Variants in ZNF365 observed in about 807,000 individuals in gnomAD.
ZNF365 encodes protein ZNF365.
A neutral mutation model predicts 35.0 loss-of-function variants in ZNF365; 22 were observed. That is an observed-to-expected ratio of 0.63 (90% CI 0.45 to 0.90). The LOEUF is 0.90. Among genes scored for constraint, ZNF365 ranks in the 40% least tolerant of loss-of-function variants. The pLI is 0.00. For missense variants in ZNF365, 448 were observed against 500.3 expected (o/e 0.90, Z 1.00); for synonymous variants, 188 against 196.2 (o/e 0.96, Z 0.35).
intron 3 of ZNF365, among the ~76,000 whole-genome samples, chr10:62,389,191 A>G (rs549681125): frequency 7.0e-6 from 1 of 142,010 alleles, no homozygotes; most frequent in East Asian, 2.3e-4. Flanking sequence ...ATAAAGATCC[A>G]GGTTCTCATA....
At chr10:62,447,109 A>G (rs2132469669) in intron 3 of ZNF365, among the ~76,000 whole-genome samples, 1 of 152,320 alleles carries the variant, frequency 6.6e-6, no homozygotes, top group African/African-American at 2.4e-5. Flanking sequence ...AAAAGCCAAT[A>G]TCCAAAAGTT....
Position 62,400,602 on chromosome 10 carries a change from G to T in ZNF365, c.*813G>T. 1 of 985,976 alleles carries T rather than the reference G, an allele frequency of 1.0e-6. No homozygotes were observed. Among genetic ancestry groups the T allele is most frequent in the Non-Finnish European group, 1.2e-6 (1 of 829,968 alleles). The allele number at this position is 985,976 out of a possible 1,614,324, so 61.1% of individuals were successfully genotyped here. On this transcript the variant is annotated 3_prime_UTR_variant, in exon 5 of 5. Coordinates refer to ENST00000395254, the MANE Select transcript of ZNF365 (RefSeq NM_014951.3). ...GATTAGCACCCAGCATGGGCTGGGT[G>T]GCTAGGTGGTTGGAATGACAGTGGA...
At chr10:62,478,714 C>T (rs1339616682) in intron 4 of ZNF365, among the ~76,000 whole-genome samples, 1 of 152,172 alleles carries the variant, frequency 6.6e-6, no homozygotes, top group Non-Finnish European at 1.5e-5. Flanking sequence ...GCTGGGACTA[C>T]AGACACCTGC....
intron 1 of ZNF365, chr10:62,375,597 G>A (rs925023381): frequency 9.1e-5 from 14 of 154,202 alleles, no homozygotes; most frequent in Non-Finnish European, 1.2e-4. Context: ...TGTACTTGAG[G>A]ATAGGTCCTG....
At position 62,416,437 on chromosome 10, in the gene ZNF365, A is replaced by G. The variant is rs566290277; in HGVS notation, c.924+27861A>G. On this transcript the variant is annotated intron_variant, in intron 3 of 4. Transcript: ENST00000395255. ...ATGTGAAATGTTCCCATGTTTTCCT[A>G]ATACTGAATCTCAAAACCAAATGTC... 5.9e-5 allele frequency among the ~76,000 whole-genome samples: 9 copies of G among 152,234 alleles called. No individual in the cohort carries two copies. The South Asian group carries it at 1.9e-3, about 32-fold the overall frequency.
intron 3 of ZNF365, among the ~76,000 whole-genome samples, chr10:62,453,132 T>C (rs566910172): frequency 3.0e-4 from 45 of 152,362 alleles, no homozygotes; most frequent in African/African-American, 1.1e-3. Context: ...TGTACATCTT[T>C]AAAAAATTTT....
chr10:62,430,228 A>G (rs1489064716), intron 3 of ZNF365, among the ~76,000 whole-genome samples: 1 of 150,622 alleles, frequency 6.6e-6, no homozygotes, highest in African/African-American at 2.4e-5. Flanking sequence ...CTAATTTTAT[A>G]GACCTAAAAT....
At chr10:62,421,012 A>T (rs1327208149) in intron 3 of ZNF365, among the ~76,000 whole-genome samples, 3 of 150,788 alleles carry the variant, frequency 2.0e-5, no homozygotes, top group Admixed American at 2.0e-4. Context: ...CTGATAAACC[A>T]TTTTGTACCA....
chr10:62,470,758 T>C (rs1057423536), intron 4 of ZNF365, among the ~76,000 whole-genome samples: 1 of 152,218 alleles, frequency 6.6e-6, no homozygotes, highest in Admixed American at 6.5e-5. Flanking sequence ...TATAAATATA[T>C]ACTTATTAGT....
intron 3 of ZNF365, among the ~76,000 whole-genome samples, chr10:62,419,656 T>C (rs1840135428): frequency 6.6e-6 from 1 of 152,184 alleles, no homozygotes; most frequent in Non-Finnish European, 1.5e-5. Context: ...AATTTATAGC[T>C]ATTTGCAGCA....
chr10:62,454,523 A>G (rs2138556), intron 3 of ZNF365, among the ~76,000 whole-genome samples: 63,141 of 152,080 alleles, frequency 0.42, 15,922 homozygotes, highest in Middle Eastern at 0.58. Context: ...AATTTACGGA[A>G]ACACTGAGAG....
intron 3 of ZNF365, among the ~76,000 whole-genome samples, chr10:62,450,313 T>C (rs1840659771): frequency 6.6e-6 from 1 of 152,156 alleles, no homozygotes; most frequent in Non-Finnish European, 1.5e-5. Context: ...ATTTAATCAT[T>C]CCATACGTCG....
chr10:62,419,722 T>G (rs1298404004), intron 3 of ZNF365, among the ~76,000 whole-genome samples: 1 of 152,172 alleles, frequency 6.6e-6, no homozygotes, highest in East Asian at 1.9e-4. Context: ...GTAGGGTTTT[T>G]CTTGTGTTAT....
intron 4 of ZNF365, among the ~76,000 whole-genome samples, chr10:62,468,496 A>G (rs1840980757): frequency 6.6e-6 from 1 of 152,240 alleles, no homozygotes; most frequent in Admixed American, 6.5e-5. Flanking sequence ...AGCCCCTATC[A>G]GAGCAACATG....
At chr10:62,471,430 C>T (rs1440730280) in intron 4 of ZNF365, among the ~76,000 whole-genome samples, 2 of 150,772 alleles carry the variant, frequency 1.3e-5, no homozygotes, top group Non-Finnish European at 3.0e-5. Flanking sequence ...GCATCATTTA[C>T]TTAATTCTTA....
chr10:62,461,083 G>C (rs35713824), intron 4 of ZNF365, among the ~76,000 whole-genome samples: 1 of 152,138 alleles, frequency 6.6e-6, no homozygotes, highest in Non-Finnish European at 1.5e-5. Context: ...ACCCCAGAGA[G>C]AGACCCAAGC....
At chr10:62,379,272 T>G (rs1839391116) in intron 2 of ZNF365, among the ~76,000 whole-genome samples, 1 of 152,104 alleles carries the variant, frequency 6.6e-6, no homozygotes, top group Admixed American at 6.5e-5. Flanking sequence ...GATCTACTGG[T>G]CTTGGCCTCC....
At chr10:62,403,156 A>G (rs1193209072), downstream of ZNF365, among the ~76,000 whole-genome samples, 1 of 152,244 alleles carries the variant, frequency 6.6e-6, no homozygotes, top group African/African-American at 2.4e-5. Context: ...TGTTAAATGT[A>G]TTATCTACCG....
chr10:62,471,872 T>G (rs1841044852), intron 4 of ZNF365, among the ~76,000 whole-genome samples: 1 of 152,238 alleles, frequency 6.6e-6, no homozygotes, highest in South Asian at 2.1e-4. Context: ...GGATACATTA[T>G]TTGGTTATAA....
Sources: allele counts gnomAD v4.1 joint callset (sites outside exome capture counted in the v4.1 genomes callset), GRCh38; gene constraint gnomAD v4.1.1; transcripts MANE v1.5; gene names NCBI Gene and HGNC (gene_info 2026-07-23, HGNC 2026-07-21).